The following DCDC2 variants were observed in gnomAD, a reference collection of about 807,000 sequenced individuals.
The protein encoded by DCDC2 is doublecortin domain-containing protein 2.
In DCDC2, 40 loss-of-function variants were observed where a neutral mutation model predicts 50.2. The ratio of observed to expected loss-of-function variants is 0.80; its 90% confidence interval spans 0.62 to 1.04. The LOEUF (loss-of-function observed/expected upper bound fraction) is 1.04. Among genes scored for constraint, DCDC2 ranks in the 50% least tolerant of loss-of-function variants. The probability of loss-of-function intolerance (pLI) is 0.00; values close to 1 mark genes in which losing one functional copy is unlikely to be tolerated. For synonymous variants in DCDC2, 234 were observed against 210.6 expected (o/e 1.11, Z -0.96); for missense variants, 570 against 581.9 (o/e 0.98, Z 0.21).
chr6:24,339,323 C>T (rs149019767), intron 2 of DCDC2, among the ~76,000 whole-genome samples: 121 of 152,226 alleles, frequency 7.9e-4, no homozygotes, highest in Admixed American at 6.8e-3. Context: ...CAGCACACTT[C>T]GGATAGCTTG....
At chr6:24,327,453 C>CTTATTTATTTATTAATTTAT (rs1759890306) in intron 2 of DCDC2, among the ~76,000 whole-genome samples, 1 of 136,612 alleles carries the variant, frequency 7.3e-6, no homozygotes, top group Non-Finnish European at 1.6e-5. Context: ...ACATTATAAA[C>CTTATTTATTTATTAATTTAT]TTATTTATTT....
rs553935194 is a variant in DCDC2 at position 24,318,913 on chromosome 6, T to C, written c.349-16869A>G. ...AAACATATGAGTGCAGGTATCTTTT[T>C]TGATGTAATGATTTCTTTCCTCTGG... On this transcript the variant is annotated intron_variant, in intron 2 of 9. Transcript: ENST00000378454. 3.5e-4 allele frequency among the ~76,000 whole-genome samples: 53 copies of C among 152,198 alleles called. No homozygotes were observed. The South Asian group carries it at 9.5e-3, about 27-fold the overall frequency.
chr6:24,177,629 GATC>G (rs1481264737), intron 9 of DCDC2, among the ~76,000 whole-genome samples: 1 of 152,162 alleles, frequency 6.6e-6, no homozygotes, highest in Non-Finnish European at 1.5e-5. Context: ...GCAGCAACAG[GATC>G]ATATTGTCCC....
rs6456593 is a variant in DCDC2 at position 24,174,101 on chromosome 6, C to G, written c.*629G>C. The G allele has an allele frequency of 0.34, 51,495 of 151,792 alleles. 11,108 individuals carry two copies. The highest frequency in any genetic ancestry group is 0.6 in the African/African-American group (24,956 of 41,310). 9.4% of individuals were successfully genotyped at this position (151,792 alleles called of 1,614,324 possible). A position where few individuals can be genotyped will look rare whatever the true frequency, so the allele number is the denominator to read the frequency against. On this transcript the variant is annotated 3_prime_UTR_variant, in exon 10 of 10. Transcript: ENST00000378454. The stretch of plus-strand genomic sequence containing the variant: ...TGCAAGCCTGAAAGCATTTAAGTGA[C>G]GGCATGGCGATACTAGTCACTAACA...
chr6:24,343,270 C>T (rs1742274), intron 2 of DCDC2, among the ~76,000 whole-genome samples: 151,628 of 152,172 alleles, frequency 1, 75,544 homozygotes, highest in Middle Eastern at 1. Flanking sequence ...AGGATGGTCT[C>T]GATCTCCTGA....
At chr6:24,319,754 G>C (rs1759737879) in intron 2 of DCDC2, among the ~76,000 whole-genome samples, 1 of 152,182 alleles carries the variant, frequency 6.6e-6, no homozygotes, top group Non-Finnish European at 1.5e-5. Flanking sequence ...AATCTAAGGA[G>C]AGTGGTTTCC....
intron 8 of DCDC2, among the ~76,000 whole-genome samples, chr6:24,190,356 G>C (rs182262558): frequency 3.0e-4 from 45 of 152,076 alleles, no homozygotes. Flanking sequence ...GAGAACATGC[G>C]ATGTTTGGTT....
intron 5 of DCDC2, among the ~76,000 whole-genome samples, chr6:24,289,256 G>A (rs997853132): frequency 6.6e-6 from 1 of 152,140 alleles, no homozygotes; most frequent in Admixed American, 6.5e-5. Context: ...TTTCCAGACT[G>A]AGTTAAAAAC....
At chr6:24,253,564 G>T (rs1215733658) in intron 7 of DCDC2, among the ~76,000 whole-genome samples, 1 of 152,148 alleles carries the variant, frequency 6.6e-6, no homozygotes, top group Non-Finnish European at 1.5e-5. Flanking sequence ...CACACCTAGG[G>T]TGTGTGCTAT....
At chr6:24,291,615 A>T (rs1763752808) in intron 4 of DCDC2, among the ~76,000 whole-genome samples, 1 of 148,246 alleles carries the variant, frequency 6.7e-6, no homozygotes, top group African/African-American at 2.5e-5. Flanking sequence ...CCTCCCAAGT[A>T]GCTGGGACTA....
chr6:24,229,838 T>G (rs1762303543), intron 7 of DCDC2, among the ~76,000 whole-genome samples: 1 of 152,210 alleles, frequency 6.6e-6, no homozygotes, highest in Admixed American at 6.5e-5. Context: ...CACTTAGATC[T>G]GACTGATCTC....
intron 8 of DCDC2, among the ~76,000 whole-genome samples, chr6:24,201,367 G>T (rs4636011): frequency 0.026 from 4,006 of 152,116 alleles, 87 homozygotes; most frequent in African/African-American, 0.058. Flanking sequence ...AACCACACAA[G>T]TACATGGAAA....
intron 8 of DCDC2, among the ~76,000 whole-genome samples, chr6:24,196,324 C>T (rs1361972172): frequency 6.6e-6 from 1 of 151,952 alleles, no homozygotes; most frequent in Non-Finnish European, 1.5e-5. Flanking sequence ...CATGGTACAG[C>T]CTTGAGCAAA....
At chr6:24,226,771 A>T (rs1210943201) in intron 7 of DCDC2, among the ~76,000 whole-genome samples, 7 of 152,218 alleles carry the variant, frequency 4.6e-5, no homozygotes, top group African/African-American at 1.4e-4. Flanking sequence ...ATCCTGTGGG[A>T]GGTAGCAAGG....
Position 24,174,565 on chromosome 6 carries a change from A to G in DCDC2, c.*165T>C, listed in dbSNP as rs954473703. 8.3e-5 allele frequency: 39 copies of G among 468,556 alleles called. No homozygotes were observed. The highest frequency in any genetic ancestry group is 1.3e-4 in the Non-Finnish European group (35 of 264,302). 29.0% of individuals were successfully genotyped at this position (468,556 alleles called of 1,614,324 possible). On this transcript the variant is annotated 3_prime_UTR_variant, in exon 10 of 10. Transcript: ENST00000378454. ...AGTAAGTAATTATCCTTTAGTAGCC[A>G]TTTAAAGTTATCTGGTCTTTCCACT...
At chr6:24,321,746 T>C (rs1444127903) in intron 2 of DCDC2, among the ~76,000 whole-genome samples, 2 of 152,170 alleles carry the variant, frequency 1.3e-5, no homozygotes, top group African/African-American at 4.8e-5. Context: ...TGTGGGAGGA[T>C]AGGATCCTAA....
intron 2 of DCDC2, among the ~76,000 whole-genome samples, chr6:24,323,582 A>C (rs1581652545): frequency 6.6e-6 from 1 of 152,344 alleles, no homozygotes; most frequent in East Asian, 1.9e-4. Flanking sequence ...CAAAATGAAA[A>C]GTTCAATGAA....
rs747410492 is a variant in DCDC2 at position 24,180,446 on chromosome 6, G to A, written c.1024-1814C>T. On this transcript the variant is annotated intron_variant, in intron 8 of 9. Transcript: ENST00000378454. Reference sequence around the variant, plus strand: ...ACTACAGGCGCCCGCCACCACGCCCGGCTAAATTTTTTGTGTGTTTTTTAG... The same window carrying A: ...ACTACAGGCGCCCGCCACCACGCCCAGCTAAATTTTTTGTGTGTTTTTTAG... Among the ~76,000 whole-genome samples, 127 of 151,988 alleles carry A rather than the reference G, an allele frequency of 8.4e-4. 1 individual carries two copies. Among genetic ancestry groups the A allele is most frequent in the Admixed American group, 9.8e-4 (15 of 15,260 alleles).
chr6:24,185,431 C>T (rs1042209551), intron 8 of DCDC2, among the ~76,000 whole-genome samples: 9 of 152,134 alleles, frequency 5.9e-5, no homozygotes, highest in African/African-American at 2.2e-4. Context: ...AAGACGGTAA[C>T]ATTAGTTAAA....
Sources: allele counts gnomAD v4.1 joint callset (sites outside exome capture counted in the v4.1 genomes callset), GRCh38; gene constraint gnomAD v4.1.1; transcripts MANE v1.5; gene names NCBI Gene and HGNC (gene_info 2026-07-23, HGNC 2026-07-21).